The following HECW1 variants were observed in gnomAD, a reference collection of about 807,000 sequenced individuals.
HECW1 encodes E3 ubiquitin-protein ligase HECW1.
HECW1 carries 61 observed loss-of-function variants against 182.3 expected under a neutral mutation model. The observed-to-expected ratio is 0.33, with a 90% CI of 0.27 to 0.41. HECW1 has a LOEUF of 0.41. Ranked by LOEUF, HECW1 falls within the 10% of genes least tolerant of loss-of-function variation. The pLI, the probability that HECW1 is intolerant of heterozygous loss-of-function variation, is 1.00. For missense variants in HECW1, 1,739 were observed against 2,108.9 expected (o/e 0.82, Z 3.44); for synonymous variants, 859 against 832.6 (o/e 1.03, Z -0.55).
At chr7:43,484,501 C>T (rs1489349084) in intron 17 of HECW1, 2 of 152,164 alleles carry the variant, frequency 1.3e-5, no homozygotes, top group Non-Finnish European at 2.9e-5. Flanking sequence ...CTACAACTTA[C>T]AAGTGTGGGT....
In HECW1 at chr7:43,129,831, C is replaced by G. The variant is rs557353428; in HGVS notation, c.-32+15440C>G. Among the ~76,000 whole-genome samples the G allele has an allele frequency of 1.7e-4, 26 of 152,258 alleles. No individual in the cohort carries two copies. In the South Asian group the frequency reaches 5.4e-3, roughly 32 times the overall value. ...CGATGGTGTGGTACCTGCCCATAAG[C>G]TACATACATCCTCCTGTATACTTCA... is the stretch of plus-strand genomic sequence containing the variant. On this transcript the variant is annotated intron_variant, in intron 2 of 29. Coordinates refer to ENST00000395891, the MANE Select transcript of HECW1 (RefSeq NM_015052.5).
At chr7:43,228,836 T>A (rs1797648888) in intron 2 of HECW1, among the ~76,000 whole-genome samples, 2 of 152,206 alleles carry the variant, frequency 1.3e-5, no homozygotes, top group Non-Finnish European at 2.9e-5. Flanking sequence ...GAATTTTCAA[T>A]GAATTCCAGT....
At chr7:43,459,010 G>A (rs2077490845) in intron 13 of HECW1, among the ~76,000 whole-genome samples, 1 of 152,206 alleles carries the variant, frequency 6.6e-6, no homozygotes, top group South Asian at 2.1e-4. Context: ...TTCCAACTCA[G>A]CCATTCCCCA....
At chr7:43,362,909 T>G (rs77751337) in intron 6 of HECW1, among the ~76,000 whole-genome samples, 8,033 of 152,316 alleles carry the variant, frequency 0.053, 290 homozygotes, top group South Asian at 0.1. Context: ...GACTGGCCTG[T>G]TGGCTCAAGG....
At chr7:43,267,333 A>G (rs2152738374) in intron 3 of HECW1, among the ~76,000 whole-genome samples, 1 of 152,220 alleles carries the variant, frequency 6.6e-6, no homozygotes, top group Non-Finnish European at 1.5e-5. Flanking sequence ...AATTTCAAAC[A>G]TTTTCAGATT....
At chr7:43,463,921 C>T (rs2077671541) in intron 14 of HECW1, 122 bp downstream of exon 14, 1 of 1,140,166 alleles carries the variant, frequency 8.8e-7, no homozygotes, top group Admixed American at 2.2e-5. Context: ...GAGTGGAAGT[C>T]CAGGGTGGAG....
chr7:43,347,886 A>G (rs762278616), intron 5 of HECW1, among the ~76,000 whole-genome samples: 1 of 152,166 alleles, frequency 6.6e-6, no homozygotes, highest in African/African-American at 2.4e-5. Flanking sequence ...ATCATGGTGG[A>G]TTATCTTTTT....
chr7:43,230,252 G>C (rs1382324827), intron 2 of HECW1, among the ~76,000 whole-genome samples: 2 of 152,130 alleles, frequency 1.3e-5, no homozygotes, highest in African/African-American at 4.8e-5. Context: ...AAATTAGCTG[G>C]GCATGGTGGC....
intron 2 of HECW1, chr7:43,118,185 T>A (rs1324182371): frequency 6.6e-6 from 1 of 152,442 alleles, no homozygotes; most frequent in African/African-American, 2.4e-5. Flanking sequence ...ACTTTCTAGA[T>A]ATATTTGTAT....
chr7:43,260,286 A>T (rs952342052), intron 3 of HECW1, among the ~76,000 whole-genome samples: 4 of 152,170 alleles, frequency 2.6e-5, no homozygotes, highest in Non-Finnish European at 4.4e-5. Context: ...CTGAACTAAG[A>T]TCAGAAGCGT....
rs373099210 is a variant in HECW1 at position 43,505,041 on chromosome 7, C to G, written c.3632-2096C>G. On this transcript the variant is annotated intron_variant, in intron 21 of 29. Coordinates refer to ENST00000395891, the MANE Select transcript of HECW1 (RefSeq NM_015052.5). ...TTCAGTTTCCTTCTGGGACACCACT[C>G]CAGACATCTCATCTACTTCCCTGGC... 5.5e-4 allele frequency among the ~76,000 whole-genome samples: 84 copies of G among 152,296 alleles called. 2 individuals carry two copies. The South Asian group carries it at 0.017, about 31-fold the overall frequency.
At chr7:43,134,975 T>C (rs1787366680) in intron 2 of HECW1, among the ~76,000 whole-genome samples, 1 of 152,212 alleles carries the variant, frequency 6.6e-6, no homozygotes, top group Admixed American at 6.5e-5. Context: ...TCTCGTTGAC[T>C]TTACCTGAAA....
At chr7:43,442,837 C>T (rs1037759785) in intron 10 of HECW1, among the ~76,000 whole-genome samples, 4 of 152,092 alleles carry the variant, frequency 2.6e-5, no homozygotes, top group African/African-American at 7.2e-5. Context: ...TTCTAGTGAC[C>T]CAAAGGTACA....
At chr7:43,232,706 T>C (rs900364372) in intron 2 of HECW1, among the ~76,000 whole-genome samples, 1 of 152,176 alleles carries the variant, frequency 6.6e-6, no homozygotes, top group African/African-American at 2.4e-5. Context: ...AACATCACAT[T>C]TAATTGGCCA....
intron 5 of HECW1, among the ~76,000 whole-genome samples, chr7:43,331,927 G>A (rs765931241): frequency 6.6e-6 from 1 of 152,148 alleles, no homozygotes; most frequent in Non-Finnish European, 1.5e-5. Context: ...AGGCCATGAG[G>A]AGTCAGTAGG....
chr7:43,549,795 A>G (rs747281061), intron 26 of HECW1, among the ~76,000 whole-genome samples: 1 of 152,180 alleles, frequency 6.6e-6, no homozygotes, highest in Non-Finnish European at 1.5e-5. Flanking sequence ...CAGCTGTGGG[A>G]GTGGAAGCTG....
intron 14 of HECW1, among the ~76,000 whole-genome samples, 183 bp from the exon 15 acceptor site, chr7:43,466,264 C>A (rs1325852985): frequency 1.3e-5 from 2 of 152,078 alleles, no homozygotes; most frequent in Non-Finnish European, 2.9e-5. Flanking sequence ...TGAAGTTATG[C>A]GAAACACTAC....
chr7:43,299,497 A>G (rs1288626887), intron 3 of HECW1, among the ~76,000 whole-genome samples: 1 of 152,218 alleles, frequency 6.6e-6, no homozygotes, highest in African/African-American at 2.4e-5. Flanking sequence ...CCGTGAGTTC[A>G]AAGGTTCCAA....
chr7:43,527,806 T>C (rs1486439540), intron 24 of HECW1, among the ~76,000 whole-genome samples: 1 of 152,276 alleles, frequency 6.6e-6, no homozygotes, highest in South Asian at 2.1e-4. Flanking sequence ...TCACCAATCT[T>C]TCCAAAAGCC....
Sources: allele counts gnomAD v4.1 joint callset (sites outside exome capture counted in the v4.1 genomes callset), GRCh38; gene constraint gnomAD v4.1.1; transcripts MANE v1.5; gene names NCBI Gene and HGNC (gene_info 2026-07-23, HGNC 2026-07-21).